The following PIGG variants were observed in gnomAD, a reference collection of about 807,000 sequenced individuals.
PIGG encodes phosphatidylinositol glycan anchor biosynthesis class G (EMM blood group), also known as GPI ethanolamine phosphate transferase 2, catalytic subunit.
Under a neutral mutation model 83.2 loss-of-function variants are expected in PIGG, and 70 were observed. The ratio of observed to expected loss-of-function variants is 0.84; its 90% confidence interval spans 0.69 to 1.03. The LOEUF is 1.03. PIGG is among the 50% of genes least tolerant of loss of function. The pLI, the probability that PIGG is intolerant of heterozygous loss-of-function variation, is 0.00. For synonymous variants in PIGG, 532 were observed against 519.5 expected (o/e 1.02, Z -0.33); for missense variants, 1,257 against 1,233.6 (o/e 1.02, Z -0.28).
chr4:521,975 G>A (rs375264348), intron 8 of PIGG, 34 bp downstream of exon 8: 190 of 1,607,552 alleles, frequency 1.2e-4, no homozygotes, highest in Non-Finnish European at 1.6e-4. Context: ...GTGTGACGTA[G>A]TCCTTCTGCT....
At chr4:519,376 C>T (rs944317814) in intron 6 of PIGG, among the ~76,000 whole-genome samples, 2 of 152,214 alleles carry the variant, frequency 1.3e-5, no homozygotes, top group Admixed American at 6.5e-5. Context: ...TGCACAGGTG[C>T]ACCCCCATAG....
chr4:516,137 G>A lies in PIGG; in HGVS notation c.1066G>A (p.Val356Met). 6.2e-7 allele frequency: 1 copy of A among 1,614,100 alleles called. No homozygotes were observed. The highest frequency in any genetic ancestry group is 8.5e-7 in the Non-Finnish European group (1 of 1,179,944). Residue 356 changes from valine to methionine, a missense_variant, in exon 6 of 13, where the codon GTG (valine) becomes ATG (methionine). Transcript: ENST00000453061. ...GTTGAGATTTTTACATTTGAATACA[G>A]TGCAGCTTAGTAAACTGTTGCAAGA... ...EQLRFLHLNT[V>M]QLSKLLQENV... is the part of the protein sequence containing the mutation.
intron 11 of PIGG, chr4:531,094 G>T: frequency 4.3e-6 from 1 of 230,848 alleles, no homozygotes. Context: ...CCTGGTGTCG[G>T]GGCTGTCCAC....
At position 527,111 on chromosome 4, in the gene PIGG, G is replaced by T. The variant is rs769065983; in HGVS notation, c.2142G>T (p.Arg714Ser). 3 of 1,614,156 alleles carry T rather than the reference G, an allele frequency of 1.9e-6. No individual in the cohort carries two copies. The Admixed American group carries it at 5.0e-5, about 27-fold the overall frequency. ...TCGTAGTTTTTGTGCTGGTGCAGAG[G>T]GGGTGCTCCCCTGTGTCCAAGGCTG... Reference protein sequence around the residue: ...SLLVVFVLVQRGCSPVSKAAL... With the variant: ...SLLVVFVLVQSGCSPVSKAAL... Residue 714 changes from arginine (R) to serine (S), a missense_variant, in exon 10 of 13, where the codon AGG (arginine) becomes AGT (serine). Arg to Ser is a moderately radical substitution (Grantham distance 110). Transcript: ENST00000453061.
At chr4:506,449 C>T (rs1218165156) in intron 3 of PIGG, among the ~76,000 whole-genome samples, 2 of 152,174 alleles carry the variant, frequency 1.3e-5, no homozygotes, top group African/African-American at 4.8e-5. Context: ...AGACCTGGGG[C>T]TGAGGTAGGA....
chr4:521,627 C>A, intron 7 of PIGG, 33 bp from the exon 8 acceptor site: 1 of 1,603,880 alleles, frequency 6.2e-7, no homozygotes, highest in East Asian at 2.2e-5. Context: ...CCAAGCCCAG[C>A]AGTCTGTGGA....
chr4:509,355 T>C (rs1457812482), intron 5 of PIGG, among the ~76,000 whole-genome samples: 2 of 152,182 alleles, frequency 1.3e-5, no homozygotes, highest in Non-Finnish European at 2.9e-5. Flanking sequence ...ACAAGAGTCA[T>C]GGGACCCGGC....
intron 3 of PIGG, 118 bp from the exon 4 acceptor site, chr4:507,287 C>G: frequency 2.5e-6 from 2 of 784,810 alleles, no homozygotes; most frequent in Non-Finnish European, 2.1e-6. Flanking sequence ...TTCAACTCCC[C>G]CAAATCCTGT....
chr4:523,833 C>T lies in PIGG; in HGVS notation c.1989C>T (p.Ala663=), dbSNP rs13150531. The part of the protein sequence containing the change: ...MVLASPWLIL[A]CCRLLRSLNQ... ...TGGCCAGTCCGTGGCTAATACTGGC[C>T]TGCTGCCGGCTGCTGCGCTCCCTAA... Residue 663 remains alanine, a synonymous_variant, in exon 9 of 13, where the codon GCC becomes GCT. Transcript: ENST00000453061. 0.14 allele frequency: 219,774 copies of T among 1,604,306 alleles called. 17,567 individuals are homozygous for T. The highest frequency in any genetic ancestry group is 0.34 in the African/African-American group (25,796 of 74,876).
At chr4:523,981 C>A in intron 9 of PIGG, 68 bp downstream of exon 9, 2 of 1,042,420 alleles carry the variant, frequency 1.9e-6, no homozygotes, top group South Asian at 3.5e-5. Flanking sequence ...CCAAGCTCTT[C>A]TTTTTCTAAA....
At chr4:524,345 G>A (rs1055005536) in intron 9 of PIGG, among the ~76,000 whole-genome samples, 10 of 152,290 alleles carry the variant, frequency 6.6e-5, no homozygotes, top group African/African-American at 9.6e-5. Flanking sequence ...ACCTGAGGCC[G>A]GGTCACATGT....
intron 12 of PIGG, among the ~76,000 whole-genome samples, chr4:535,396 A>G (rs930348330): frequency 3.9e-5 from 4 of 102,754 alleles, no homozygotes; most frequent in African/African-American, 1.6e-4. Context: ...CGCAGCGCCT[A>G]TGCATTTCTG....
In PIGG at chr4:530,530, G is replaced by T. The variant is rs773034449; in HGVS notation, c.2356G>T (p.Asp786Tyr). The change falls in exon 11 of 13, where the codon GAC becomes TAC. Residue 786 changes from aspartate to tyrosine, a missense_variant. Coordinates refer to ENST00000453061, the MANE Select transcript of PIGG (RefSeq NM_001127178.3). ...DLLKSQVIAA[D>Y]FKLKTVGLWE... ...ACTTAAATCTCAAGTCATTGCTGCAGACTTCAAACTCAAGACTGTAGGTTT... is the reference window on the plus strand; with the variant it reads ...ACTTAAATCTCAAGTCATTGCTGCATACTTCAAACTCAAGACTGTAGGTTT... The T allele has an allele frequency of 1.8e-5, 29 of 1,613,378 alleles. No individual in the cohort carries two copies. The highest frequency in any genetic ancestry group is 2.2e-5 in the Non-Finnish European group (26 of 1,179,324).
intron 8 of PIGG, 88 bp from the exon 9 acceptor site, chr4:523,371 T>A: frequency 1.0e-6 from 1 of 955,540 alleles, no homozygotes; most frequent in Non-Finnish European, 1.6e-6. Flanking sequence ...GTCCAGGGCA[T>A]TCTCTGCTGT....
chr4:536,710 C>G (rs1418773701), intron 12 of PIGG: 1 of 152,276 alleles, frequency 6.6e-6, no homozygotes, highest in Non-Finnish European at 1.5e-5. Context: ...GGTGGGCTGT[C>G]AGCACGTCGT....
chr4:527,271 C>T (rs1727909106), intron 10 of PIGG, 41 bp downstream of exon 10: 2 of 1,527,512 alleles, frequency 1.3e-6, no homozygotes, highest in Admixed American at 2.1e-5. Context: ...AGCCACTTTA[C>T]TGTTTGAAGA....
intron 5 of PIGG, among the ~76,000 whole-genome samples, chr4:512,800 T>C (rs527937734): frequency 6.6e-6 from 1 of 151,988 alleles, no homozygotes; most frequent in East Asian, 2.0e-4. Context: ...GGCGACGGAG[T>C]GAGACTCCAT....
At position 527,249 on chromosome 4, in the gene PIGG, C is replaced by T. The variant is rs373397710; in HGVS notation, c.2261+19C>T. On this transcript the variant is annotated intron_variant, in intron 10 of 12. Coordinates refer to ENST00000453061, the MANE Select transcript of PIGG (RefSeq NM_001127178.3). ...TTTCCAAGTAAGTGCGTGGCGGACA[C>T]GGGGTGCATAGAGCCACTTTACTGT... The T allele has an allele frequency of 2.8e-5, 44 of 1,557,700 alleles. No homozygotes were observed. The highest frequency in any genetic ancestry group is 8.2e-5 in the African/African-American group (6 of 73,274).
At chr4:523,383 A>C in intron 8 of PIGG, 76 bp from the exon 9 acceptor site, 1 of 1,064,922 alleles carries the variant, frequency 9.4e-7, no homozygotes, top group Non-Finnish European at 1.4e-6. Context: ...CTCTGCTGTG[A>C]GCAAGGACTT....
Sources: allele counts gnomAD v4.1 joint callset (sites outside exome capture counted in the v4.1 genomes callset), GRCh38; gene constraint gnomAD v4.1.1; transcripts MANE v1.5; gene names NCBI Gene and HGNC (gene_info 2026-07-23, HGNC 2026-07-21).